KIFC3: variants seen among roughly 807,000 people sequenced by gnomAD.
KIFC3 encodes kinesin family member C3, also known as kinesin-like protein KIFC3.
In KIFC3, 60 loss-of-function variants were observed where a neutral mutation model predicts 101.8. The ratio of observed to expected loss-of-function variants is 0.59; its 90% CI spans 0.48 to 0.73. The LOEUF (loss-of-function observed/expected upper bound fraction) is 0.73. Ranked by LOEUF, KIFC3 falls within the 30% of genes least tolerant of loss-of-function variation. The probability of loss-of-function intolerance (pLI) is 0.00; values close to 1 mark genes in which losing one functional copy is unlikely to be tolerated. For missense variants in KIFC3, 966 were observed against 1,137.1 expected (o/e 0.85, Z 2.16); for synonymous variants, 476 against 482.7 (o/e 0.99, Z 0.18).
chr16:57,765,395 T>G (rs2050372459), intron 11 of KIFC3, 64 bp downstream of exon 11: 2 of 1,489,558 alleles, frequency 1.3e-6, no homozygotes, highest in African/African-American at 1.4e-5. Context: ...GCGCCCCCGC[T>G]CCCTGTGAGT....
At chr16:57,761,005 G>A (rs782074057) in intron 15 of KIFC3, 37 bp downstream of exon 15, 2 of 1,602,764 alleles carry the variant, frequency 1.2e-6, no homozygotes, top group Admixed American at 3.3e-5. Context: ...CCTTGGGGTT[G>A]TGGGGATCCT....
At chr16:57,761,562 C>A in intron 13 of KIFC3, 26 bp from the exon 14 acceptor site, 1 of 1,606,378 alleles carries the variant, frequency 6.2e-7, no homozygotes, top group South Asian at 1.1e-5. Context: ...AGACAGTCAC[C>A]CCCTCCTCCC....
intron 1 of KIFC3, among the ~76,000 whole-genome samples, chr16:57,853,876 A>G (rs1468429630): frequency 6.6e-6 from 1 of 151,768 alleles, no homozygotes; most frequent in Admixed American, 6.6e-5. Flanking sequence ...GAAGTGATCC[A>G]CCCTCCTCGG....
chr16:57,814,334 A>T (rs1334733757), intron 1 of KIFC3, among the ~76,000 whole-genome samples: 3 of 151,962 alleles, frequency 2.0e-5, no homozygotes, highest in Admixed American at 2.0e-4. Context: ...CCCTTAGCTC[A>T]CCTAGCACTG....
At chr16:57,790,078 C>CTTTCTTTT (rs59016221) in intron 3 of KIFC3, among the ~76,000 whole-genome samples, 1 of 94,088 alleles carries the variant, frequency 1.1e-5, no homozygotes, top group African/African-American at 4.2e-5. Context: ...TTCTTTCTTT[C>CTTTCTTTT]TTTTTTTTTT....
Position 57,764,133 on chromosome 16 carries a change from C to G in KIFC3, c.1617+10G>C. 6.2e-7 allele frequency: 1 copy of G among 1,602,004 alleles called. No homozygotes were observed. Among genetic ancestry groups the G allele is most frequent in the African/African-American group, 1.3e-5 (1 of 74,870 alleles). ...CACTGTGAACCCCCACCCCATTGGGCAGCACCCACCTCCATCGTGTACGTC... is the reference window on the plus strand; with the variant it reads ...CACTGTGAACCCCCACCCCATTGGGGAGCACCCACCTCCATCGTGTACGTC... On this transcript the variant is annotated intron_variant, in intron 12 of 19. Transcript: ENST00000445690.
intron 1 of KIFC3, chr16:57,830,582 G>A (rs1286168206): frequency 6.6e-6 from 1 of 152,030 alleles, no homozygotes; most frequent in African/African-American, 2.4e-5. Flanking sequence ...CTTGTGCAGG[G>A]GCCATGCTAA....
At chr16:57,794,902 C>T in intron 3 of KIFC3, 97 bp downstream of exon 3, 1 of 1,216,736 alleles carries the variant, frequency 8.2e-7, no homozygotes, top group Non-Finnish European at 1.1e-6. Context: ...CCCCGGCTCT[C>T]CCCAGGTGCT....
In KIFC3 at chr16:57,769,873, C is replaced by G. The variant is rs1320533396; in HGVS notation, c.1022G>C (p.Arg341Pro). 8 of 1,613,816 alleles carry G rather than the reference C, an allele frequency of 5.0e-6. No homozygotes were observed. Among genetic ancestry groups the G allele is most frequent in the East Asian group, 2.2e-5 (1 of 44,882 alleles). Residue 341 changes from arginine to proline, a missense_variant, in exon 8 of 20, where the codon CGG (arginine) becomes CCG (proline). Around this residue, in one of 2 missense-constraint regions of KIFC3, gnomAD observed 689 missense variants for 884.6 expected, o/e 0.78. Transcript: ENST00000445690. The surrounding 1 kb of genome is among the most constrained non-coding windows in gnomAD (Gnocchi z 4.3). ...TCTGGCAAAGGCCTCCTCAATGGCC[C>G]GGTTCTTGTCCTCTTCCAGGGACTG... ...EMQSLEEDKN[R>P]AIEEAFARAQ...
chr16:57,776,359 C>G (rs538300707), intron 3 of KIFC3: 1 of 985,302 alleles, frequency 1.0e-6, no homozygotes, highest in Admixed American at 6.1e-5. Context: ...CCCCTGTCCA[C>G]GCCACCCTGC....
upstream of KIFC3, chr16:57,807,938 A>AAT (rs1250926968): frequency 1.7e-4 from 4 of 23,894 alleles, no homozygotes; most frequent in African/African-American, 2.9e-4. Flanking sequence ...TTAAAAAAAA[A>AAT]AAAAAAAAAA....
At chr16:57,796,677 A>T (rs1159880557) in intron 2 of KIFC3, among the ~76,000 whole-genome samples, 1 of 152,202 alleles carries the variant, frequency 6.6e-6, no homozygotes, top group African/African-American at 2.4e-5. Context: ...TATAATCTTC[A>T]TAATACCCAA....
intron 1 of KIFC3, among the ~76,000 whole-genome samples, chr16:57,813,342 T>C (rs1016718370): frequency 2.1e-5 from 3 of 145,804 alleles, no homozygotes; most frequent in Admixed American, 6.8e-5. Context: ...TAAAATAAAA[T>C]AAAATACAAA....
chr16:57,782,101 C>G, intron 3 of KIFC3: 1 of 985,466 alleles, frequency 1.0e-6, no homozygotes, highest in Non-Finnish European at 1.2e-6. Flanking sequence ...AGTCAAACCA[C>G]AGTGAGGCCA....
chr16:57,758,912 G>C lies in KIFC3; in HGVS notation c.*25-3C>G. The C allele has an allele frequency of 6.4e-7, 1 of 1,573,810 alleles. No homozygotes were observed. Among genetic ancestry groups the C allele is most frequent in the Non-Finnish European group, 8.6e-7 (1 of 1,159,788 alleles). On this transcript the variant is annotated splice_polypyrimidine_tract_variant and splice_region_variant and intron_variant, in intron 19 of 19. Coordinates refer to ENST00000445690, the MANE Select transcript of KIFC3 (RefSeq NM_001130100.2). ...CACAGGCAGTGGCCGCGACTTCCCT[G>C]CAGGGGCATGAGATCATCAGCCTCT...
intron 3 of KIFC3, chr16:57,785,615 C>G (rs956565133): frequency 4.7e-5 from 60 of 1,269,704 alleles, no homozygotes; most frequent in Non-Finnish European, 6.1e-5. Flanking sequence ...GGGGGCCGCA[C>G]CTGGTGGCCC....
At chr16:57,798,410 A>G (rs1422233571) in intron 1 of KIFC3, 128 bp from the exon 2 acceptor site, 1 of 806,970 alleles carries the variant, frequency 1.2e-6, no homozygotes, top group Non-Finnish European at 2.0e-6. Context: ...AGCAGCTCCA[A>G]CTGCACTGTC....
upstream of KIFC3, chr16:57,802,955 A>T: frequency 6.5e-7 from 1 of 1,534,430 alleles, no homozygotes; most frequent in South Asian, 1.2e-5. This position sits in a 1 kb window ranked among gnomAD's most constrained non-coding sequence, Gnocchi z 5.0. Context: ...ACAAGCTCTT[A>T]CTCACGAGAC....
At chr16:57,836,980 C>T (rs1479806176) in intron 1 of KIFC3, among the ~76,000 whole-genome samples, 1 of 152,172 alleles carries the variant, frequency 6.6e-6, no homozygotes, top group African/African-American at 2.4e-5. Context: ...AGGTGTAAGC[C>T]ACTGTACCTT....
Sources: gnomAD v4.1 joint callset for allele counts (sites outside exome capture counted in the v4.1 genomes callset) on GRCh38, gnomAD v4.1.1 for gene constraint, gnomAD v4.1.1 regional missense constraint, Gnocchi (gnomAD v3.1) non-coding constraint, MANE v1.5 for transcripts, NCBI Gene and HGNC (gene_info 2026-07-23, HGNC 2026-07-21) for gene names.